Variants in NHEJ1 observed in about 807,000 individuals in gnomAD.
The protein encoded by NHEJ1 is non-homologous end joining factor 1.
In NHEJ1, 22 loss-of-function variants were observed where a neutral mutation model predicts 39.4. The observed-to-expected ratio is 0.56, with a 90% CI of 0.40 to 0.80. The LOEUF (loss-of-function observed/expected upper bound fraction) is 0.80. Among genes scored for constraint, NHEJ1 ranks in the 30% least tolerant of loss-of-function variants. NHEJ1 has a pLI of 0.00. For missense variants in NHEJ1, 329 were observed against 357.1 expected, an observed-to-expected ratio of 0.92 and a Z score of 0.63; for synonymous variants, 154 against 135.6, an observed-to-expected ratio of 1.14 and a Z score of -0.94.
intron 3 of NHEJ1, among the ~76,000 whole-genome samples, chr2:219,151,859 T>A (rs922960993): frequency 2.6e-5 from 4 of 152,014 alleles, no homozygotes; most frequent in African/African-American, 9.7e-5. Context: ...TCCCAGCTAC[T>A]CAGGAGACTG....
chr2:219,101,400 C>A (rs948891997), intron 5 of NHEJ1, among the ~76,000 whole-genome samples: 22 of 152,068 alleles, frequency 1.4e-4, no homozygotes, highest in African/African-American at 5.1e-4. Context: ...CAGGGGTGAG[C>A]CACCGCGCCC....
intron 5 of NHEJ1, among the ~76,000 whole-genome samples, chr2:219,084,076 C>T (rs934870852): frequency 3.3e-5 from 5 of 150,840 alleles, no homozygotes; most frequent in Non-Finnish European, 5.9e-5. Flanking sequence ...GTACAGTCTC[C>T]GCTCACTGCA....
intron 5 of NHEJ1, among the ~76,000 whole-genome samples, chr2:219,108,375 G>C (rs998199415): frequency 6.6e-6 from 1 of 152,170 alleles, no homozygotes; most frequent in African/African-American, 2.4e-5. Context: ...GTGAAAGATA[G>C]GTTTTGGCTA....
intron 5 of NHEJ1, among the ~76,000 whole-genome samples, chr2:219,134,275 A>G (rs1356276396): frequency 6.6e-6 from 1 of 152,256 alleles, no homozygotes; most frequent in Non-Finnish European, 1.5e-5. Context: ...AAATATGGGT[A>G]AATCAACGGG....
At chr2:219,157,209 G>GGTTGT (rs1184851279) in intron 3 of NHEJ1, among the ~76,000 whole-genome samples, 1 of 152,100 alleles carries the variant, frequency 6.6e-6, no homozygotes. Context: ...TTTAGGTCTG[G>GGTTGT]ATAACCAACA....
At chr2:219,133,927 A>C (rs150875784) in intron 5 of NHEJ1, among the ~76,000 whole-genome samples, 98 of 152,326 alleles carry the variant, frequency 6.4e-4, no homozygotes, top group African/African-American at 1.7e-3. Flanking sequence ...CTTCATCGGC[A>C]TAAGTTTTTC....
intron 5 of NHEJ1, among the ~76,000 whole-genome samples, chr2:219,131,982 T>G (rs1424139555): frequency 6.6e-6 from 1 of 152,260 alleles, no homozygotes; most frequent in Non-Finnish European, 1.5e-5. Context: ...TGGGCTCTGG[T>G]GCCAAATTCC....
At chr2:219,110,217 G>GT (rs1199105313) in intron 5 of NHEJ1, among the ~76,000 whole-genome samples, 1 of 152,084 alleles carries the variant, frequency 6.6e-6, no homozygotes, top group Non-Finnish European at 1.5e-5. Flanking sequence ...TAAAATCAAC[G>GT]TAATTAAAAA....
intron 5 of NHEJ1, 65 bp from the exon 6 acceptor site, chr2:219,078,271 CACATGCAGA>C: frequency 7.5e-7 from 1 of 1,341,702 alleles, no homozygotes; most frequent in Middle Eastern, 1.8e-4. Flanking sequence ...TCTAATACCC[CACATGCAGA>C]ACCGGCATCA....
intron 3 of NHEJ1, among the ~76,000 whole-genome samples, chr2:219,156,862 A>T (rs1559205076): frequency 1.3e-5 from 2 of 152,224 alleles, no homozygotes; most frequent in Non-Finnish European, 1.5e-5. Context: ...TTTTCAGTGA[A>T]TCCTGTTGCC....
Position 219,073,680 on chromosome 2 carries a change from A to ATC in NHEJ1, c.*2700_*2701insGA, listed in dbSNP as rs1334928414. Among the ~76,000 whole-genome samples, 2 of 152,100 alleles carry ATC rather than the reference A, an allele frequency of 1.3e-5. No individual in the cohort carries two copies. Among genetic ancestry groups the ATC allele is most frequent in the Non-Finnish European group, 2.9e-5 (2 of 68,010 alleles). ...CTGGCTTGCTCGTGTAAACCACCTT[A>ATC]TATTATTTTTTTTTCTAAAAATACT... On this transcript the variant is annotated 3_prime_UTR_variant, in exon 8 of 8. Coordinates refer to ENST00000356853, the MANE Select transcript of NHEJ1 (RefSeq NM_024782.3).
chr2:219,144,902 C>G (rs940896869), intron 5 of NHEJ1, among the ~76,000 whole-genome samples: 5 of 152,142 alleles, frequency 3.3e-5, no homozygotes, highest in Non-Finnish European at 5.9e-5. Context: ...AACGGTCTCT[C>G]TTTACCCATA....
At chr2:219,138,019 T>C (rs1212472166) in intron 5 of NHEJ1, among the ~76,000 whole-genome samples, 1 of 152,050 alleles carries the variant, frequency 6.6e-6, no homozygotes, top group Non-Finnish European at 1.5e-5. Flanking sequence ...ACACACATAA[T>C]AGGAGGGAGC....
rs1055653393 is a variant in NHEJ1, at chr2:219,073,140, C to G, written c.*3241G>C. On this transcript the variant is annotated 3_prime_UTR_variant, in exon 8 of 8. Transcript: ENST00000356853. ...CTTCCCCCAGTGCTCACTGTGGGTG[C>G]GCTACACCAGGCCTGTGGAAGGATT... Among the ~76,000 whole-genome samples the G allele has an allele frequency of 6.6e-6, 1 of 152,090 alleles. No homozygotes were observed. The highest frequency in any genetic ancestry group is 1.5e-5 in the Non-Finnish European group (1 of 68,028).
At chr2:219,085,581 C>T (rs570944093) in intron 5 of NHEJ1, among the ~76,000 whole-genome samples, 20 of 152,318 alleles carry the variant, frequency 1.3e-4, no homozygotes, top group African/African-American at 3.9e-4. Flanking sequence ...CTGCCGACCT[C>T]GCCATGCTCT....
Position 219,137,585 on chromosome 2 carries a change from AAAAAAAAC to A in NHEJ1, c.588+9087_588+9094del, listed in dbSNP as rs1331928753. ...GTGTTACAGGCAAAAAAAAAAAAAA[AAAAAAAAC>A]AAAAAAAACTGAAAACCACCTTCAG... On this transcript the variant is annotated intron_variant, in intron 5 of 7. Coordinates refer to ENST00000356853, the MANE Select transcript of NHEJ1 (RefSeq NM_024782.3). 1.1e-3 allele frequency among the ~76,000 whole-genome samples: 159 copies of A among 140,046 alleles called. 3 individuals are homozygous for A. Among genetic ancestry groups the A allele is most frequent in the African/African-American group, 3.8e-3 (149 of 39,382 alleles). 91.9% of individuals were successfully genotyped at this position (140,046 alleles called of 152,430 possible).
At position 219,073,363 on chromosome 2, in the gene NHEJ1, A is replaced by G. The variant is rs1948981848; in HGVS notation, c.*3018T>C. ...TCTGGGAGACTGGCTGCCTGGTGACAAGAGAAGAGAATGACCCTAGTGATA... is the reference window on the plus strand; with the variant it reads ...TCTGGGAGACTGGCTGCCTGGTGACGAGAGAAGAGAATGACCCTAGTGATA... On this transcript the variant is annotated 3_prime_UTR_variant, in exon 8 of 8. Transcript: ENST00000356853. Among the ~76,000 whole-genome samples the G allele has an allele frequency of 6.6e-6, 1 of 152,204 alleles. No homozygotes were observed. The highest frequency in any genetic ancestry group is 1.5e-5 in the Non-Finnish European group (1 of 68,036).
At chr2:219,118,023 T>C (rs2106343244) in intron 5 of NHEJ1, among the ~76,000 whole-genome samples, 1 of 152,322 alleles carries the variant, frequency 6.6e-6, no homozygotes, top group East Asian at 1.9e-4. Context: ...TTCTATGCAG[T>C]TCCCTTTCTA....
intron 1 of NHEJ1, chr2:219,158,826 C>T (rs1035253817): frequency 2.2e-5 from 4 of 179,524 alleles, no homozygotes; most frequent in Admixed American, 1.1e-4. Flanking sequence ...CCAGGAAATT[C>T]GAAGTATTTG....
Sources: gnomAD v4.1 joint callset for allele counts (sites outside exome capture counted in the v4.1 genomes callset) on GRCh38, gnomAD v4.1.1 for gene constraint, MANE v1.5 for transcripts, NCBI Gene and HGNC (gene_info 2026-07-23, HGNC 2026-07-21) for gene names.